Variants in MAP4K5 observed in about 807,000 individuals in gnomAD.
MAP4K5 encodes the protein MAPK/ERK kinase kinase kinase 5.
In MAP4K5, 82 loss-of-function variants were observed where a neutral mutation model predicts 135.6. That is an observed-to-expected ratio of 0.60 (90% CI 0.51 to 0.73). MAP4K5 has a LOEUF of 0.73. Ranked by LOEUF, MAP4K5 falls within the 30% of genes least tolerant of loss-of-function variation. The probability of loss-of-function intolerance (pLI) is 0.00; values close to 1 mark genes in which losing one functional copy is unlikely to be tolerated. For synonymous variants in MAP4K5, 347 were observed against 335.0 expected (o/e 1.04, Z -0.39); for missense variants, 907 against 1,010.9 (o/e 0.90, Z 1.39).
intron 2 of MAP4K5, among the ~76,000 whole-genome samples, chr14:50,509,587 T>G (rs1038755464): frequency 1.3e-5 from 2 of 152,074 alleles, no homozygotes; most frequent in Admixed American, 6.6e-5. Context: ...AAGAAAACAG[T>G]AGTATTTTAA....
intron 3 of MAP4K5, among the ~76,000 whole-genome samples, chr14:50,488,632 G>T (rs1309332676): frequency 1.6e-4 from 24 of 152,154 alleles, no homozygotes; most frequent in Non-Finnish European, 2.9e-5. Flanking sequence ...ACTCTTGGTA[G>T]TAGTTTGAGT....
At chr14:50,540,293 G>A (rs2038545001) in intron 2 of MAP4K5, among the ~76,000 whole-genome samples, 1 of 152,220 alleles carries the variant, frequency 6.6e-6, no homozygotes, top group Admixed American at 6.5e-5. Flanking sequence ...GTACTTAAGT[G>A]CCATTTGACA....
intron 2 of MAP4K5, among the ~76,000 whole-genome samples, chr14:50,531,530 T>C (rs1042453932): frequency 5.3e-5 from 8 of 152,198 alleles, no homozygotes; most frequent in East Asian, 1.9e-4. Context: ...AACTCATCCA[T>C]TGAAACAAAT....
At chr14:50,512,519 G>A (rs2037950852) in intron 2 of MAP4K5, among the ~76,000 whole-genome samples, 1 of 152,110 alleles carries the variant, frequency 6.6e-6, no homozygotes, top group African/African-American at 2.4e-5. Flanking sequence ...ACAAACTACA[G>A]CTCCCGCTGA....
intron 1 of MAP4K5, among the ~76,000 whole-genome samples, chr14:50,547,563 C>T (rs566831999): frequency 7.9e-5 from 12 of 152,186 alleles, no homozygotes; most frequent in Non-Finnish European, 1.5e-4. Flanking sequence ...GGGGAAGATT[C>T]TGAGATCACC....
intron 21 of MAP4K5, 149 bp downstream of exon 21, chr14:50,442,583 A>G (rs979393290): frequency 3.4e-6 from 2 of 581,232 alleles, no homozygotes; most frequent in Non-Finnish European, 6.0e-6. Context: ...CCAAAACCCT[A>G]TTGACCTATT....
intron 14 of MAP4K5, chr14:50,456,279 T>G: frequency 2.1e-6 from 1 of 477,976 alleles, no homozygotes; most frequent in Non-Finnish European, 3.7e-6. Context: ...CTTTTTTTTC[T>G]TGCAGATTTT....
At chr14:50,446,618 C>T (rs1377441041) in intron 16 of MAP4K5, among the ~76,000 whole-genome samples, 3 of 152,156 alleles carry the variant, frequency 2.0e-5, no homozygotes, top group South Asian at 4.1e-4. Flanking sequence ...ACACACTTAT[C>T]CACAGTCATT....
intron 10 of MAP4K5, chr14:50,468,420 T>C: frequency 2.0e-6 from 1 of 489,536 alleles, no homozygotes; most frequent in Non-Finnish European, 3.6e-6. Flanking sequence ...AGTACAGTAG[T>C]GAGAAGGAGA....
At chr14:50,459,487 A>G (rs1466206505) in intron 13 of MAP4K5, among the ~76,000 whole-genome samples, 1 of 152,006 alleles carries the variant, frequency 6.6e-6, no homozygotes, top group Non-Finnish European at 1.5e-5. Context: ...TCAGTAATGA[A>G]CTCACCATTC....
chr14:50,469,741 C>G (rs1357057156), intron 9 of MAP4K5, among the ~76,000 whole-genome samples: 3 of 152,124 alleles, frequency 2.0e-5, no homozygotes, highest in Non-Finnish European at 4.4e-5. Flanking sequence ...GTTGGAGTTA[C>G]AAGTTTGGGA....
chr14:50,560,810 T>C (rs2038833132), intron 1 of MAP4K5, among the ~76,000 whole-genome samples: 1 of 152,008 alleles, frequency 6.6e-6, no homozygotes, highest in Non-Finnish European at 1.5e-5. Flanking sequence ...GCTGGAACAA[T>C]GAGGCGGAGC....
At chr14:50,539,906 T>G (rs1485715723) in intron 2 of MAP4K5, among the ~76,000 whole-genome samples, 1 of 152,092 alleles carries the variant, frequency 6.6e-6, no homozygotes, top group Non-Finnish European at 1.5e-5. Flanking sequence ...TCTCAAGGTT[T>G]AGGGAGATGG....
chr14:50,441,444 A>G (rs1435487756), intron 21 of MAP4K5, among the ~76,000 whole-genome samples: 1 of 152,090 alleles, frequency 6.6e-6, no homozygotes, highest in Non-Finnish European at 1.5e-5. Flanking sequence ...AAAATGCATA[A>G]CCTGATTCAA....
chr14:50,492,990 C>T (rs763537583), intron 3 of MAP4K5, among the ~76,000 whole-genome samples: 6 of 149,762 alleles, frequency 4.0e-5, no homozygotes, highest in Non-Finnish European at 7.4e-5. Flanking sequence ...GCTATGACTG[C>T]ACCACTGCCC....
In MAP4K5 at chr14:50,504,848, C is replaced by G; in HGVS notation, c.118G>C (p.Val40Leu). 8 of 1,542,744 alleles carry G rather than the reference C, an allele frequency of 5.2e-6. No homozygotes were observed. Among genetic ancestry groups the G allele is most frequent in the Non-Finnish European group, 7.0e-6 (8 of 1,145,212 alleles). The stretch of plus-strand genomic sequence containing the variant: ...ACTGCAGCCAGCTCTCCTGTGTGTA[C>G]ATTTCTGGCCTAAAAATAAAATAAA... ...TYGDVYKARN[V>L]HTGELAAVKI... Residue 40 changes from valine to leucine, a missense_variant, in exon 3 of 33, where the codon GTA (valine) becomes CTA (leucine). Transcript: ENST00000682126.
chr14:50,457,951 T>TC (rs1336237150), intron 13 of MAP4K5, among the ~76,000 whole-genome samples: 1 of 152,144 alleles, frequency 6.6e-6, no homozygotes, highest in Non-Finnish European at 1.5e-5. Context: ...CTGGATAAAC[T>TC]CAACTGGTTA....
At chr14:50,465,365 T>G (rs1342890184) in intron 11 of MAP4K5, among the ~76,000 whole-genome samples, 1 of 152,230 alleles carries the variant, frequency 6.6e-6, no homozygotes, top group Non-Finnish European at 1.5e-5. Flanking sequence ...GAAACTTATT[T>G]GCACAGCTTC....
chr14:50,498,074 GCCA>G (rs1417985185), intron 3 of MAP4K5, among the ~76,000 whole-genome samples: 1 of 152,140 alleles, frequency 6.6e-6, no homozygotes, highest in African/African-American at 2.4e-5. Context: ...CTGGCTGTTG[GCCA>G]CCAATAGCTA....
Sources: allele counts gnomAD v4.1 joint callset (sites outside exome capture counted in the v4.1 genomes callset), GRCh38; gene constraint gnomAD v4.1.1; transcripts MANE v1.5; gene names NCBI Gene and HGNC (gene_info 2026-07-23, HGNC 2026-07-21).